ZBTB20: variants seen among roughly 807,000 people sequenced by gnomAD.
ZBTB20 encodes zinc finger and BTB domain-containing protein 20.
Under a neutral mutation model 56.9 loss-of-function variants are expected in ZBTB20, and 9 were observed. The ratio of observed to expected loss-of-function variants is 0.16; its 90% confidence interval spans 0.10 to 0.28. ZBTB20 has a LOEUF of 0.28. Ranked by LOEUF, ZBTB20 falls within the 10% of genes least tolerant of loss-of-function variation. The probability of loss-of-function intolerance (pLI) is 1.00; values close to 1 mark genes in which losing one functional copy is unlikely to be tolerated. For missense variants in ZBTB20, 655 were observed against 1,003.0 expected (o/e 0.65, Z 4.69); for synonymous variants, 417 against 420.7 (o/e 0.99, Z 0.11).
At chr3:114,751,032 A>T (rs2067520041) in intron 5 of ZBTB20, among the ~76,000 whole-genome samples, 1 of 152,206 alleles carries the variant, frequency 6.6e-6, no homozygotes, top group South Asian at 2.1e-4. Flanking sequence ...TAACTAAAGC[A>T]ATCTTTTTAT....
intron 7 of ZBTB20, among the ~76,000 whole-genome samples, chr3:114,401,423 T>C (rs2086817873): frequency 6.6e-6 from 1 of 152,136 alleles, no homozygotes; most frequent in South Asian, 2.1e-4. Context: ...GATTGTCTGC[T>C]AGCTTGTACC....
intron 4 of ZBTB20, among the ~76,000 whole-genome samples, chr3:114,825,531 C>T (rs1244624519): frequency 6.6e-6 from 1 of 151,842 alleles, no homozygotes; most frequent in Non-Finnish European, 1.5e-5. Context: ...GGAGACCATG[C>T]AGCCTCTTTA....
chr3:114,420,288 G>A (rs1446101179), intron 7 of ZBTB20, among the ~76,000 whole-genome samples: 2 of 152,096 alleles, frequency 1.3e-5, no homozygotes, highest in African/African-American at 4.8e-5. Context: ...TTCCTACTTA[G>A]CACCACGGAC....
intron 6 of ZBTB20, among the ~76,000 whole-genome samples, chr3:114,656,217 T>G (rs1270169361): frequency 6.6e-6 from 1 of 152,218 alleles, no homozygotes; most frequent in Non-Finnish European, 1.5e-5. Flanking sequence ...TTGAGATTTT[T>G]CTTTGTATCT....
chr3:115,134,096 A>G (rs2084588507), intron 1 of ZBTB20, among the ~76,000 whole-genome samples: 1 of 152,142 alleles, frequency 6.6e-6, no homozygotes, highest in South Asian at 2.1e-4. Flanking sequence ...ACTTCTTAAC[A>G]TTAGGTTATC....
chr3:114,461,297 C>G, intron 7 of ZBTB20, among the ~76,000 whole-genome samples: 1 of 118,476 alleles, frequency 8.4e-6, no homozygotes, highest in Non-Finnish European at 1.9e-5. Flanking sequence ...ACAATCTCCT[C>G]CCCCCCCCCT....
intron 6 of ZBTB20, among the ~76,000 whole-genome samples, chr3:114,689,472 T>C (rs1429446918): frequency 6.6e-6 from 1 of 152,136 alleles, no homozygotes; most frequent in East Asian, 1.9e-4. Flanking sequence ...TGTATCGTAC[T>C]AGTTCGTTCT....
chr3:114,904,880 G>A (rs577746148), intron 3 of ZBTB20, among the ~76,000 whole-genome samples: 5 of 152,010 alleles, frequency 3.3e-5, no homozygotes, highest in East Asian at 3.9e-4. Context: ...TTAACCCAAC[G>A]GCACAGTTGA....
rs2079042681 is a variant in ZBTB20, at chr3:114,325,740, A to G, written c.*13265T>C. 6.6e-6 allele frequency: 1 copy of G among 152,132 alleles called. No individual in the cohort carries two copies. Among genetic ancestry groups the G allele is most frequent in the Non-Finnish European group, 1.5e-5 (1 of 68,028 alleles). 9.4% of individuals were successfully genotyped at this position (152,132 alleles called of 1,614,324 possible). On this transcript the variant is annotated 3_prime_UTR_variant, in exon 12 of 12. Coordinates refer to ENST00000675478, the MANE Select transcript of ZBTB20 (RefSeq NM_001348800.3). ...CTCTGTTCACTTAATTGAAATTGCA[A>G]TTATTTTAAAGATTGAGCCAAGAAT...
chr3:115,073,611 C>A (rs1286338513), intron 1 of ZBTB20, among the ~76,000 whole-genome samples: 1 of 151,920 alleles, frequency 6.6e-6, no homozygotes, highest in Non-Finnish European at 1.5e-5. Context: ...TAACTTTTAG[C>A]TCTAAGTTCA....
intron 6 of ZBTB20, among the ~76,000 whole-genome samples, chr3:114,557,264 G>A (rs1208075424): frequency 6.6e-6 from 1 of 151,868 alleles, no homozygotes; most frequent in Non-Finnish European, 1.5e-5. Context: ...CTTTTCCCCA[G>A]AGAAAAGACA....
chr3:114,748,402 A>C (rs2067288794), intron 5 of ZBTB20, among the ~76,000 whole-genome samples: 2 of 75,330 alleles, frequency 2.7e-5, no homozygotes, highest in African/African-American at 8.0e-5. Flanking sequence ...GCTTTGTTGT[A>C]GCTTCCTCTT....
At chr3:114,509,418 T>A (rs1218978261) in intron 6 of ZBTB20, among the ~76,000 whole-genome samples, 1 of 151,138 alleles carries the variant, frequency 6.6e-6, no homozygotes, top group African/African-American at 2.4e-5. Flanking sequence ...GGAGTGTGTG[T>A]GTGTGTGGTG....
intron 4 of ZBTB20, among the ~76,000 whole-genome samples, chr3:114,857,609 G>A (rs114482502): frequency 0.01 from 1,561 of 152,202 alleles, 25 homozygotes; most frequent in African/African-American, 0.035. Context: ...TCTCCTCCCT[G>A]GTTCAATCAA....
At chr3:114,860,983 T>C (rs1315863439) in intron 4 of ZBTB20, among the ~76,000 whole-genome samples, 1 of 152,188 alleles carries the variant, frequency 6.6e-6, no homozygotes, top group African/African-American at 2.4e-5. Flanking sequence ...GAACCCTCTA[T>C]GTCTGGCTTT....
chr3:114,810,800 G>T (rs1016489362), intron 4 of ZBTB20, among the ~76,000 whole-genome samples: 1 of 152,112 alleles, frequency 6.6e-6, no homozygotes, highest in Admixed American at 6.5e-5. Context: ...CCATGCATGT[G>T]GGGTGGCGGG....
rs375836727 is a variant in ZBTB20, at chr3:114,338,082, A to G, written c.*923T>C. ...TTTTCTTTTTCTCTTCCACAAGAATATATCCTGACACTTTTTTTTTTTTTG... is the reference window on the plus strand; with the variant it reads ...TTTTCTTTTTCTCTTCCACAAGAATGTATCCTGACACTTTTTTTTTTTTTG... On this transcript the variant is annotated 3_prime_UTR_variant, in exon 12 of 12. Transcript: ENST00000675478. 11 of 147,780 alleles carry G rather than the reference A, an allele frequency of 7.4e-5. No homozygotes were observed. Among genetic ancestry groups the G allele is most frequent in the African/African-American group, 2.7e-4 (11 of 40,716 alleles). 9.2% of individuals were successfully genotyped at this position (147,780 alleles called of 1,614,324 possible).
intron 5 of ZBTB20, among the ~76,000 whole-genome samples, chr3:114,729,748 G>T (rs774882984): frequency 3.7e-4 from 56 of 152,120 alleles, no homozygotes; most frequent in Middle Eastern, 6.8e-3. Context: ...TGCTATCGAG[G>T]ATTTTTAGAG....
intron 1 of ZBTB20, among the ~76,000 whole-genome samples, chr3:115,142,819 C>T (rs927680142): frequency 3.9e-5 from 6 of 152,064 alleles, no homozygotes; most frequent in Admixed American, 6.6e-5. Context: ...TTAATATGTA[C>T]CCTTCCTGGA....
Sources: gnomAD v4.1 joint callset for allele counts (sites outside exome capture counted in the v4.1 genomes callset) on GRCh38, gnomAD v4.1.1 for gene constraint, MANE v1.5 for transcripts, NCBI Gene and HGNC (gene_info 2026-07-23, HGNC 2026-07-21) for gene names.